BEST3: variants seen among roughly 807,000 people sequenced by gnomAD.
The protein encoded by BEST3 is bestrophin 3, also known as bestrophin-3.
In BEST3, 50 loss-of-function variants were observed where a neutral mutation model predicts 47.1. That is an observed-to-expected ratio of 1.06 (90% CI 0.85 to 1.34). The LOEUF (loss-of-function observed/expected upper bound fraction) is 1.34. Among genes scored for constraint, BEST3 ranks in the 40% most tolerant of loss-of-function variants. The pLI is 0.00. For synonymous variants in BEST3, 282 were observed against 298.8 expected, an observed-to-expected ratio of 0.94 and a Z score of 0.58; for missense variants, 765 against 817.0, an observed-to-expected ratio of 0.94 and a Z score of 0.78.
At chr12:69,666,431 A>T (rs1433200031) in intron 9 of BEST3, among the ~76,000 whole-genome samples, 1 of 151,792 alleles carries the variant, frequency 6.6e-6, no homozygotes, top group Non-Finnish European at 1.5e-5. Context: ...TCTACCCCAC[A>T]CTCTCACTTA....
At chr12:69,644,222 A>G (rs1251748665) in intron 9 of BEST3, among the ~76,000 whole-genome samples, 2 of 152,072 alleles carry the variant, frequency 1.3e-5, no homozygotes, top group East Asian at 1.9e-4. Context: ...TTGAAACGCA[A>G]CTCTGCTAAT....
At chr12:69,672,717 G>A (rs1884654081) in intron 8 of BEST3, among the ~76,000 whole-genome samples, 168 bp downstream of exon 8, 1 of 152,208 alleles carries the variant, frequency 6.6e-6, no homozygotes, top group South Asian at 2.1e-4. Flanking sequence ...AATCTCGGAT[G>A]TGTAAGCTTC....
rs1274275419 is a variant in BEST3, at chr12:69,654,927, T to C, written c.1987A>G (p.Thr663Ala). 1.2e-6 allele frequency: 2 copies of C among 1,611,090 alleles called. No homozygotes were observed. Among genetic ancestry groups the C allele is most frequent in the Admixed American group, 3.3e-5 (2 of 59,792 alleles). The change falls in exon 10 of 10, where the codon ACT (threonine) becomes GCT (alanine). Residue 663 changes from threonine (T) to alanine (A), a missense_variant. Physicochemically the swap from Thr to Ala is moderately conservative, Grantham distance 58. Coordinates refer to ENST00000330891, the MANE Select transcript of BEST3 (RefSeq NM_032735.3). ...GGCACTCATTTGGGTGATTCCTCAGTTTCCTTGTTCAGCTCTATGATATCT... is the reference window on the plus strand; with the variant it reads ...GGCACTCATTTGGGTGATTCCTCAGCTTCCTTGTTCAGCTCTATGATATCT... ...ETDIIELNKE[T>A]EESPK
downstream of BEST3, among the ~76,000 whole-genome samples, chr12:69,651,327 T>C (rs1044844815): frequency 6.6e-6 from 1 of 152,134 alleles, no homozygotes; most frequent in Non-Finnish European, 1.5e-5. Context: ...ATTTTATAGA[T>C]GAGAATAAGA....
intron 7 of BEST3, among the ~76,000 whole-genome samples, chr12:69,674,262 G>A (rs1008490919): frequency 3.9e-5 from 6 of 152,068 alleles, no homozygotes; most frequent in African/African-American, 1.2e-4. Context: ...TTAAGTCAAC[G>A]TATTAATACT....
intron 4 of BEST3, among the ~76,000 whole-genome samples, chr12:69,681,672 T>G (rs753587512): frequency 3.3e-5 from 5 of 152,164 alleles, no homozygotes; most frequent in African/African-American, 1.2e-4. Flanking sequence ...ACCTGTGATA[T>G]CTATTAAATA....
rs751222619 is a variant in BEST3 at position 69,653,778 on chromosome 12, C to A, written c.*1129G>T. Reference sequence around the variant, plus strand: ...GTACCAACATCCGATCCCCATTATGCAGCTCTGGACCCCATTAGCCTCCCA... The same window carrying A: ...GTACCAACATCCGATCCCCATTATGAAGCTCTGGACCCCATTAGCCTCCCA... On this transcript the variant is annotated 3_prime_UTR_variant, in exon 10 of 10. Coordinates refer to ENST00000330891, the MANE Select transcript of BEST3 (RefSeq NM_032735.3). 11 of 985,424 alleles carry A rather than the reference C, an allele frequency of 1.1e-5. No homozygotes were observed. The highest frequency in any genetic ancestry group is 5.2e-4 in the Middle Eastern group (1 of 1,914). 61.0% of individuals were successfully genotyped at this position (985,424 alleles called of 1,614,324 possible).
chr12:69,671,379 A>G lies in BEST3; in HGVS notation c.1100+49T>C, dbSNP rs1884561481. On this transcript the variant is annotated intron_variant, in intron 9 of 9. Transcript: ENST00000330891. ...TTTTTTATAGAGACAAGGTCTCACTATGTTGCTCAGGCTGGAAAATATTAG... is the reference window on the plus strand; with the variant it reads ...TTTTTTATAGAGACAAGGTCTCACTGTGTTGCTCAGGCTGGAAAATATTAG... The G allele has an allele frequency of 2.6e-6, 4 of 1,514,922 alleles. No individual in the cohort carries two copies. The South Asian group carries it at 3.7e-5, about 14-fold the overall frequency. The allele number at this position is 1,514,922 out of a possible 1,614,324, so 93.8% of individuals were successfully genotyped here.
At chr12:69,649,761 TC>T (rs1883151759), downstream of BEST3, among the ~76,000 whole-genome samples, 1 of 152,178 alleles carries the variant, frequency 6.6e-6, no homozygotes, top group Non-Finnish European at 1.5e-5. Flanking sequence ...TAAAATTATC[TC>T]CAGACATTGT....
chr12:69,678,302 G>A (rs1307050581), intron 5 of BEST3, among the ~76,000 whole-genome samples: 2 of 152,020 alleles, frequency 1.3e-5, no homozygotes, highest in Non-Finnish European at 2.9e-5. Context: ...ACTTACTAGA[G>A]TATCTGAAAG....
At position 69,655,282 on chromosome 12, in the gene BEST3, G is replaced by A. The variant is rs1883392565; in HGVS notation, c.1632C>T (p.Gly544=). ...AGGGAGACAGGATGGATCCCATGGG[G>A]CCCTGCTGCTGCTCAGTCTTGCTTG... is the stretch of plus-strand genomic sequence containing the variant. ...VQPSKTEQQQ[G]PMGSILSPSE... Residue 544 remains glycine, a synonymous_variant, in exon 10 of 10, where the codon GGC becomes GGT. Transcript: ENST00000330891. 2.5e-6 allele frequency: 4 copies of A among 1,614,046 alleles called. No individual in the cohort carries two copies. Among genetic ancestry groups the A allele is most frequent in the Non-Finnish European group, 2.5e-6 (3 of 1,180,042 alleles).
intron 4 of BEST3, among the ~76,000 whole-genome samples, chr12:69,692,966 T>C (rs895527365): frequency 6.6e-6 from 1 of 152,182 alleles, no homozygotes; most frequent in Non-Finnish European, 1.5e-5. Context: ...TTTCACCATG[T>C]TGGCCAGGCT....
At chr12:69,647,216 C>G (rs1009993162) in intron 9 of BEST3, among the ~76,000 whole-genome samples, 4 of 152,230 alleles carry the variant, frequency 2.6e-5, no homozygotes, top group African/African-American at 4.8e-5. Context: ...GAATTTGCTC[C>G]TGCCTTCTTC....
At chr12:69,662,988 G>A (rs1209338031) in intron 9 of BEST3, among the ~76,000 whole-genome samples, 1 of 152,188 alleles carries the variant, frequency 6.6e-6, no homozygotes, top group Non-Finnish European at 1.5e-5. Flanking sequence ...TCCTTTAGCT[G>A]TTATGAATGG....
intron 4 of BEST3, among the ~76,000 whole-genome samples, chr12:69,690,869 G>A (rs1436918409): frequency 6.6e-6 from 1 of 152,074 alleles, no homozygotes; most frequent in African/African-American, 2.4e-5. Context: ...CATATTTGGA[G>A]GAAGGATGGC....
chr12:69,679,457 T>C (rs1885112968), intron 4 of BEST3, among the ~76,000 whole-genome samples: 1 of 152,236 alleles, frequency 6.6e-6, no homozygotes, highest in Non-Finnish European at 1.5e-5. Flanking sequence ...GCTCTTGGCT[T>C]GCATCATAGT....
chr12:69,694,912 A>G (rs1317429346), intron 2 of BEST3, among the ~76,000 whole-genome samples: 1 of 152,178 alleles, frequency 6.6e-6, no homozygotes, highest in Non-Finnish European at 1.5e-5. Context: ...TGAATATGCA[A>G]CTTAGCACAT....
chr12:69,694,551 C>T, intron 2 of BEST3, 87 bp from the exon 3 acceptor site: 2 of 561,530 alleles, frequency 3.6e-6, no homozygotes, highest in Non-Finnish European at 5.8e-6. Context: ...AACAATTAAG[C>T]ACAAATAATC....
At chr12:69,669,498 T>C (rs1188758947) in intron 9 of BEST3, among the ~76,000 whole-genome samples, 2 of 152,234 alleles carry the variant, frequency 1.3e-5, no homozygotes, top group Admixed American at 6.5e-5. Flanking sequence ...TTAAATATTG[T>C]ACCTCCTGGT....
Sources: gnomAD v4.1 joint callset for allele counts (sites outside exome capture counted in the v4.1 genomes callset) on GRCh38, gnomAD v4.1.1 for gene constraint, MANE v1.5 for transcripts, NCBI Gene and HGNC (gene_info 2026-07-23, HGNC 2026-07-21) for gene names.